The following SLC12A8 variants were observed in gnomAD, a reference collection of about 807,000 sequenced individuals.
The protein encoded by SLC12A8 is cation-chloride cotransporter 9.
SLC12A8 carries 69 observed loss-of-function variants against 75.6 expected under a neutral mutation model. The ratio of observed to expected loss-of-function variants is 0.91; its 90% confidence interval spans 0.75 to 1.11. The LOEUF (loss-of-function observed/expected upper bound fraction) is 1.11, where lower values mean the gene tolerates loss of function less well. Among genes scored for constraint, SLC12A8 ranks in the 50% most tolerant of loss-of-function variants. SLC12A8 has a pLI of 0.00. For synonymous variants in SLC12A8, 365 were observed against 372.8 expected, an observed-to-expected ratio of 0.98 and a Z score of 0.24; for missense variants, 877 against 896.7, an observed-to-expected ratio of 0.98 and a Z score of 0.28.
chr3:125,178,949 T>A (rs1418443076), intron 4 of SLC12A8, among the ~76,000 whole-genome samples: 2 of 152,252 alleles, frequency 1.3e-5, no homozygotes, highest in Non-Finnish European at 2.9e-5. Flanking sequence ...TGCCTGAGAA[T>A]CATGATTTTA....
Position 125,106,749 on chromosome 3 carries a change from G to A in SLC12A8, c.1705+732C>T, listed in dbSNP as rs992047290. On this transcript the variant is annotated intron_variant, in intron 10 of 13. Coordinates refer to ENST00000469902, the MANE Select transcript of SLC12A8 (RefSeq NM_024628.6). ...GCTCCAGGGAGAGCATAATGTAGAG[G>A]AAAGTACATGGGCCTCAAATACAGA... Among the ~76,000 whole-genome samples the A allele has an allele frequency of 2.0e-5, 3 of 152,162 alleles. No homozygotes were observed. In the East Asian group the frequency reaches 5.8e-4, roughly 29 times the overall value.
At chr3:125,089,575 ACT>A (rs1225386595) in intron 12 of SLC12A8, among the ~76,000 whole-genome samples, 3 of 146,226 alleles carry the variant, frequency 2.1e-5, no homozygotes, top group African/African-American at 7.7e-5. Context: ...TCTTAACATT[ACT>A]GTTTTCTAAA....
At position 125,092,201 on chromosome 3, in the gene SLC12A8, A is replaced by T; in HGVS notation, c.1706-3T>A. 6.2e-7 allele frequency: 1 copy of T among 1,608,658 alleles called. No homozygotes were observed. Among genetic ancestry groups the T allele is most frequent in the Non-Finnish European group, 8.5e-7 (1 of 1,175,678 alleles). On this transcript the variant is annotated splice_polypyrimidine_tract_variant and splice_region_variant and intron_variant, in intron 10 of 13. Transcript: ENST00000469902. ...GAGCCTGGACTTCAGGAAGAAATCT[A>T]AAAAATAGCCAAAGATTTGGCTGCC...
intron 2 of SLC12A8, among the ~76,000 whole-genome samples, chr3:125,195,923 T>C (rs1415481826): frequency 6.6e-6 from 1 of 152,130 alleles, no homozygotes. Context: ...GGACACAGGC[T>C]GCCGCTAGGA....
At chr3:125,088,004 A>T in intron 13 of SLC12A8, 1 of 378,496 alleles carries the variant, frequency 2.6e-6, no homozygotes. Context: ...TAGACTGTAA[A>T]CTCACTGAGA....
intron 4 of SLC12A8, among the ~76,000 whole-genome samples, chr3:125,186,338 C>G (rs538836284): frequency 6.6e-6 from 1 of 152,076 alleles, no homozygotes; most frequent in African/African-American, 2.4e-5. Flanking sequence ...GCACCCCCAC[C>G]GCCCACACAT....
intron 4 of SLC12A8, among the ~76,000 whole-genome samples, chr3:125,185,179 G>T (rs953021434): frequency 2.0e-5 from 3 of 152,114 alleles, no homozygotes; most frequent in Non-Finnish European, 4.4e-5. Flanking sequence ...AGTTAGCCGG[G>T]TGTGGTGGCG....
intron 5 of SLC12A8, among the ~76,000 whole-genome samples, chr3:125,145,182 AAC>A (rs1933742868): frequency 6.6e-6 from 1 of 152,320 alleles, no homozygotes; most frequent in African/African-American, 2.4e-5. Flanking sequence ...GGGAGACCAG[AAC>A]ACAGTGTGGC....
At chr3:125,194,701 T>C (rs1934972858) in intron 2 of SLC12A8, among the ~76,000 whole-genome samples, 1 of 152,218 alleles carries the variant, frequency 6.6e-6, no homozygotes, top group South Asian at 2.1e-4. Flanking sequence ...AAATTCTGCT[T>C]CTGTCCATTC....
At chr3:125,129,853 T>C (rs915827201) in intron 6 of SLC12A8, among the ~76,000 whole-genome samples, 9 of 152,192 alleles carry the variant, frequency 5.9e-5, no homozygotes, top group East Asian at 1.9e-4. Flanking sequence ...GTGTTTACAA[T>C]TGGGGCCCTG....
At chr3:125,203,185 C>A (rs958458167) in intron 2 of SLC12A8, among the ~76,000 whole-genome samples, 1 of 151,092 alleles carries the variant, frequency 6.6e-6, no homozygotes, top group East Asian at 1.9e-4. Context: ...CAATACAATC[C>A]CTATTGAAAT....
Position 125,107,475 on chromosome 3 carries a change from A to G in SLC12A8, c.1705+6T>C. The stretch of plus-strand genomic sequence containing the variant: ...AGAGGCCCCAGTGTGATACCAGAGC[A>G]CTCACCTTCTCCACTGGACTCTGAT... On this transcript the variant is annotated splice_donor_region_variant and intron_variant, in intron 10 of 13. Coordinates refer to ENST00000469902, the MANE Select transcript of SLC12A8 (RefSeq NM_024628.6). The G allele has an allele frequency of 6.3e-7, 1 of 1,599,518 alleles. No homozygotes were observed. Among genetic ancestry groups the G allele is most frequent in the East Asian group, 2.2e-5 (1 of 44,486 alleles).
intron 2 of SLC12A8, among the ~76,000 whole-genome samples, chr3:125,209,998 C>T (rs1371178771): frequency 2.0e-5 from 3 of 152,176 alleles, no homozygotes; most frequent in African/African-American, 7.2e-5. Flanking sequence ...AAATCATGAA[C>T]ACCAAAGGCC....
intron 1 of SLC12A8, among the ~76,000 whole-genome samples, chr3:125,212,068 G>C (rs941373694): frequency 6.6e-6 from 1 of 152,050 alleles, no homozygotes; most frequent in African/African-American, 2.4e-5. Flanking sequence ...CAAGGTAGAC[G>C]GGGCTCAGGA....
chr3:125,187,533 G>A (rs1342327054), intron 3 of SLC12A8, 105 bp from the exon 4 acceptor site: 4 of 1,023,152 alleles, frequency 3.9e-6, no homozygotes, highest in African/African-American at 3.2e-5. Context: ...CACTGGAATA[G>A]GGGCCAGGGG....
chr3:125,113,023 G>C (rs75563469), intron 8 of SLC12A8, among the ~76,000 whole-genome samples: 7,581 of 152,210 alleles, frequency 0.05, 565 homozygotes, highest in African/African-American at 0.17. Context: ...TTACCTAAAA[G>C]GTTATGTATA....
In SLC12A8 at chr3:125,188,452, T is replaced by A. The variant is rs542345633; in HGVS notation, c.199-1024A>T. Among the ~76,000 whole-genome samples the A allele has an allele frequency of 6.6e-5, 10 of 152,350 alleles. No individual in the cohort carries two copies. In the South Asian group the frequency reaches 1.5e-3, roughly 22 times the overall value. ...GTTTTCTTCCCCTTCATATTCTCAG[T>A]GCTTAGCATAACCTCCACAAAATAG... On this transcript the variant is annotated intron_variant, in intron 3 of 13. Coordinates refer to ENST00000469902, the MANE Select transcript of SLC12A8 (RefSeq NM_024628.6).
chr3:125,159,437 A>T (rs11916785), intron 5 of SLC12A8, among the ~76,000 whole-genome samples: 2,497 of 152,286 alleles, frequency 0.016, 64 homozygotes, highest in African/African-American at 0.057. Flanking sequence ...GAATGGGGAA[A>T]ACAGTAGAAC....
intron 5 of SLC12A8, among the ~76,000 whole-genome samples, chr3:125,154,472 A>G (rs1488962861): frequency 1.3e-5 from 2 of 152,160 alleles, no homozygotes; most frequent in African/African-American, 4.8e-5. Flanking sequence ...AATAACACAC[A>G]GGGACTCCAT....
Sources: allele counts gnomAD v4.1 joint callset (sites outside exome capture counted in the v4.1 genomes callset), GRCh38; gene constraint gnomAD v4.1.1; transcripts MANE v1.5; gene names NCBI Gene and HGNC (gene_info 2026-07-23, HGNC 2026-07-21).